The following TYW1 variants were observed in gnomAD, a reference collection of about 807,000 sequenced individuals.
The protein encoded by TYW1 is S-adenosyl-L-methionine-dependent tRNA 4-demethylwyosine synthase TYW1.
In TYW1, 46 loss-of-function variants were observed where a neutral mutation model predicts 96.2. The ratio of observed to expected loss-of-function variants is 0.48; its 90% CI spans 0.38 to 0.61. TYW1 has a LOEUF of 0.61. Ranked by LOEUF, TYW1 falls within the 20% of genes least tolerant of loss-of-function variation. The pLI, the probability that TYW1 is intolerant of heterozygous loss-of-function variation, is 0.00. For missense variants in TYW1, 684 were observed against 909.6 expected (o/e 0.75, Z 3.19); for synonymous variants, 274 against 323.0 (o/e 0.85, Z 1.63).
chr7:67,104,060 C>G (rs1224633808), intron 12 of TYW1, among the ~76,000 whole-genome samples: 1 of 151,968 alleles, frequency 6.6e-6, no homozygotes, highest in Non-Finnish European at 1.5e-5. Context: ...GCAATACCAC[C>G]TGTACTCTGG....
At chr7:66,999,775 C>CT (rs200711970) in intron 3 of TYW1, among the ~76,000 whole-genome samples, 2 of 152,084 alleles carry the variant, frequency 1.3e-5, no homozygotes, top group Admixed American at 6.5e-5. Context: ...CATTCTCTCT[C>CT]TTTTTTGCGG....
chr7:67,125,446 T>C (rs1284985633), intron 13 of TYW1, among the ~76,000 whole-genome samples: 3 of 152,036 alleles, frequency 2.0e-5, no homozygotes, highest in Admixed American at 2.0e-4. Flanking sequence ...CAAAACAAAA[T>C]TGAGCAGAGG....
chr7:67,152,850 C>T (rs914923351), intron 13 of TYW1, among the ~76,000 whole-genome samples: 9 of 152,184 alleles, frequency 5.9e-5, no homozygotes, highest in African/African-American at 2.2e-4. Flanking sequence ...ATCCGCCTGC[C>T]TGGGCCTCCC....
At chr7:67,087,579 A>G (rs552583415) in intron 11 of TYW1, among the ~76,000 whole-genome samples, 1 of 149,128 alleles carries the variant, frequency 6.7e-6, no homozygotes, top group East Asian at 1.9e-4. Flanking sequence ...TACCCTGGTA[A>G]TTCCTACAAC....
At chr7:67,117,753 T>C (rs56347390) in intron 13 of TYW1, 135 bp downstream of exon 13, 5 of 1,300,964 alleles carry the variant, frequency 3.8e-6, no homozygotes, top group Non-Finnish European at 4.0e-6. Flanking sequence ...AGATGAAATA[T>C]AACTTTCAAC....
chr7:67,098,172 T>C (rs1364779223), intron 11 of TYW1, among the ~76,000 whole-genome samples: 2 of 152,200 alleles, frequency 1.3e-5, no homozygotes, highest in Admixed American at 6.5e-5. Flanking sequence ...GAGGAATGAT[T>C]GGTCTAGAAG....
At chr7:67,224,961 C>T (rs1348982239) in intron 15 of TYW1, among the ~76,000 whole-genome samples, 3 of 152,070 alleles carry the variant, frequency 2.0e-5, no homozygotes, top group East Asian at 1.9e-4. Context: ...GAGGCTGAGG[C>T]GGGTGGATCA....
chr7:67,154,945 C>T (rs1470610249), intron 13 of TYW1, among the ~76,000 whole-genome samples: 3 of 152,048 alleles, frequency 2.0e-5, no homozygotes, highest in Non-Finnish European at 4.4e-5. Flanking sequence ...GTTCTTTCTT[C>T]CACTCTAATC....
At chr7:67,084,957 C>G (rs13311010) in intron 11 of TYW1, among the ~76,000 whole-genome samples, 2 of 152,188 alleles carry the variant, frequency 1.3e-5, no homozygotes, top group Admixed American at 1.3e-4. Context: ...TGTTGAATCT[C>G]TATGCTCTGG....
chr7:67,060,151 C>T (rs568876455), intron 9 of TYW1, among the ~76,000 whole-genome samples: 3 of 152,156 alleles, frequency 2.0e-5, no homozygotes, highest in East Asian at 1.9e-4. Context: ...TCTTGGCTTA[C>T]GGCAACCTCT....
rs780567385 is a variant in TYW1, at chr7:66,996,962, T to A, written c.-17T>A. On this transcript the variant is annotated 5_prime_UTR_variant, in exon 1 of 16. Transcript: ENST00000359626. Reference sequence around the variant, plus strand: ...ATCCAGGTCCGAGATCCTAGTCTCCTGTCGGCTCTGAGGAGGATGGGTAAG... The same window carrying A: ...ATCCAGGTCCGAGATCCTAGTCTCCAGTCGGCTCTGAGGAGGATGGGTAAG... 6.2e-7 allele frequency: 1 copy of A among 1,614,134 alleles called. No individual in the cohort carries two copies. The highest frequency in any genetic ancestry group is 8.5e-7 in the Non-Finnish European group (1 of 1,180,000).
At chr7:67,065,086 G>A (rs138408445) in intron 9 of TYW1, among the ~76,000 whole-genome samples, 114 of 152,258 alleles carry the variant, frequency 7.5e-4, no homozygotes, top group African/African-American at 2.0e-3. Context: ...GATTTGGACC[G>A]CACACCTCTG....
intron 13 of TYW1, among the ~76,000 whole-genome samples, chr7:67,137,879 C>T (rs141635338): frequency 0.018 from 2,747 of 152,210 alleles, 37 homozygotes; most frequent in Non-Finnish European, 0.03. Context: ...CAGCCACTGC[C>T]GAAAACAACC....
At position 67,067,365 on chromosome 7, in the gene TYW1, G is replaced by A. The variant is rs138970569; in HGVS notation, c.1236G>A (p.Pro412=). The change falls in exon 10 of 16, where the codon CCG becomes CCA. Residue 412 remains proline (P), a synonymous_variant. Coordinates refer to ENST00000359626, the MANE Select transcript of TYW1 (RefSeq NM_018264.4). The stretch of plus-strand genomic sequence containing the variant: ...GCCATCGCTGCATGGAAACCACCCC[G>A]AGCTTGGCGTGTGCTAATAAATGTG... ...IESHRCMETT[P]SLACANKCVF... 12 of 1,613,812 alleles carry A rather than the reference G, an allele frequency of 7.4e-6. No individual in the cohort carries two copies. In the African/African-American group the frequency reaches 9.3e-5, roughly 13 times the overall value.
At chr7:67,027,704 G>C (rs998768230) in intron 7 of TYW1, among the ~76,000 whole-genome samples, 1 of 152,138 alleles carries the variant, frequency 6.6e-6, no homozygotes, top group African/African-American at 2.4e-5. Flanking sequence ...GTCGAGGCAG[G>C]CAGATCACGA....
At chr7:67,080,804 G>T (rs1199057421) in intron 10 of TYW1, among the ~76,000 whole-genome samples, 1 of 151,814 alleles carries the variant, frequency 6.6e-6, no homozygotes, top group Admixed American at 6.6e-5. Flanking sequence ...ACACATAGTT[G>T]GGTGTTTTTT....
chr7:67,205,517 C>T (rs180676683), intron 15 of TYW1, among the ~76,000 whole-genome samples: 2,594 of 144,754 alleles, frequency 0.018, 40 homozygotes, highest in South Asian at 0.049. Context: ...GTCCAGGCTC[C>T]CTGTGTAGTC....
intron 14 of TYW1, among the ~76,000 whole-genome samples, chr7:67,191,466 A>G (rs1387796471): frequency 6.6e-6 from 1 of 151,832 alleles, no homozygotes; most frequent in Non-Finnish European, 1.5e-5. Flanking sequence ...TTCCATCACC[A>G]CGCTGTACCC....
chr7:67,014,382 G>A lies in TYW1; in HGVS notation c.391G>A (p.Val131Ile). The A allele has an allele frequency of 6.2e-7, 1 of 1,608,034 alleles. No individual in the cohort carries two copies. The highest frequency in any genetic ancestry group is 8.5e-7 in the Non-Finnish European group (1 of 1,176,430). The change falls in exon 5 of 16, where the codon GTC becomes ATC. Residue 131 changes from valine (V) to isoleucine (I), a missense_variant. Val to Ile is a conservative substitution (Grantham distance 29). Coordinates refer to ENST00000359626, the MANE Select transcript of TYW1 (RefSeq NM_018264.4). The stretch of plus-strand genomic sequence containing the variant: ...TCTTGGTTAGGTGACTAGTAAAAAT[G>A]TCTGTGTCTTCCTGGTTGCGACATA... ...HLIEEVTSKN[V>I]CVFLVATYTD...
Sources: gnomAD v4.1 joint callset for allele counts (sites outside exome capture counted in the v4.1 genomes callset) on GRCh38, gnomAD v4.1.1 for gene constraint, MANE v1.5 for transcripts, NCBI Gene and HGNC (gene_info 2026-07-23, HGNC 2026-07-21) for gene names.